The following TRPC4 variants were observed in gnomAD, a reference collection of about 807,000 sequenced individuals.
The protein encoded by TRPC4 is transient receptor potential cation channel subfamily C member 4, also known as short transient receptor potential channel 4.
Under a neutral mutation model 99.4 loss-of-function variants are expected in TRPC4, and 49 were observed. The observed-to-expected ratio is 0.49, with a 90% CI of 0.39 to 0.63. The LOEUF is 0.63. Among genes scored for constraint, TRPC4 ranks in the 20% least tolerant of loss-of-function variants. The pLI is 0.00. For synonymous variants in TRPC4, 454 were observed against 425.9 expected, an observed-to-expected ratio of 1.07 and a Z score of -0.81; for missense variants, 898 against 1,152.9, an observed-to-expected ratio of 0.78 and a Z score of 3.20.
At chr13:37,689,587 A>G (rs1462498412) in intron 4 of TRPC4, among the ~76,000 whole-genome samples, 2 of 152,198 alleles carry the variant, frequency 1.3e-5, no homozygotes, top group Non-Finnish European at 2.9e-5. Flanking sequence ...TCTTGAGACA[A>G]TGTTGCCTAT....
intron 2 of TRPC4, among the ~76,000 whole-genome samples, chr13:37,781,709 CA>C (rs1956847186): frequency 6.6e-6 from 1 of 151,982 alleles, no homozygotes; most frequent in African/African-American, 2.4e-5. Context: ...AGCAAAGCAA[CA>C]AGCAGAAAAG....
chr13:37,804,199 T>G (rs951572045), intron 1 of TRPC4, among the ~76,000 whole-genome samples: 6 of 152,098 alleles, frequency 3.9e-5, no homozygotes, highest in Admixed American at 6.6e-5. Context: ...ATTCCCTGGG[T>G]AGGTGGTATG....
intron 1 of TRPC4, among the ~76,000 whole-genome samples, chr13:37,855,289 C>T (rs1288103339): frequency 1.5e-5 from 2 of 137,118 alleles, no homozygotes; most frequent in Non-Finnish European, 1.5e-5. Flanking sequence ...CAACAGGATA[C>T]AATGTAGATA....
rs142683062 is a variant in TRPC4, at chr13:37,637,219, C to T, written c.2618G>A (p.Arg873His). The change falls in exon 11 of 11, where the codon CGT (arginine) becomes CAT (histidine). Residue 873 changes from arginine (R) to histidine (H), a missense_variant. Coordinates refer to ENST00000379705, the MANE Select transcript of TRPC4 (RefSeq NM_016179.4). ...QIFSVSEEVA[R>H]QQAAGPLERN... The stretch of plus-strand genomic sequence containing the variant: ...CTCAAGTGGTCCTGCAGCCTGTTGA[C>T]GAGCAACTTCTTCTGAAACAGAGAA... 439 of 1,613,744 alleles carry T rather than the reference C, an allele frequency of 2.7e-4. No individual in the cohort carries two copies. Among genetic ancestry groups the T allele is most frequent in the Non-Finnish European group, 3.6e-4 (420 of 1,179,870 alleles).
intron 3 of TRPC4, among the ~76,000 whole-genome samples, chr13:37,717,987 T>C (rs571172513): frequency 1.3e-5 from 2 of 152,250 alleles, no homozygotes; most frequent in Non-Finnish European, 2.9e-5. Context: ...TGCTTGTATA[T>C]AGCTAGTAGC....
chr13:37,865,415 T>A (rs753626062), intron 1 of TRPC4, among the ~76,000 whole-genome samples: 4 of 151,648 alleles, frequency 2.6e-5, no homozygotes, highest in Non-Finnish European at 5.9e-5. Flanking sequence ...TTCTAAAAAA[T>A]TATAATCTTG....
At chr13:37,824,629 G>A (rs1484548455) in intron 1 of TRPC4, among the ~76,000 whole-genome samples, 1 of 152,044 alleles carries the variant, frequency 6.6e-6, no homozygotes, top group East Asian at 1.9e-4. Flanking sequence ...AAGCCCACTT[G>A]ACCATGGTGG....
At chr13:37,793,367 T>G (rs775726554) in intron 1 of TRPC4, among the ~76,000 whole-genome samples, 15 of 152,172 alleles carry the variant, frequency 9.9e-5, no homozygotes, top group African/African-American at 2.6e-4. Context: ...ACATGTGCCA[T>G]GTTGGTGTGC....
At chr13:37,841,482 C>T (rs1958728647) in intron 1 of TRPC4, among the ~76,000 whole-genome samples, 1 of 150,098 alleles carries the variant, frequency 6.7e-6, no homozygotes, top group Non-Finnish European at 1.5e-5. Flanking sequence ...GACTTGAAAA[C>T]ATGTACAAAT....
intron 8 of TRPC4, among the ~76,000 whole-genome samples, chr13:37,650,608 T>TACACACA (rs1392003949): frequency 4.5e-5 from 2 of 44,414 alleles, no homozygotes; most frequent in African/African-American, 7.8e-5. Flanking sequence ...TCTCTCTCTC[T>TACACACA]CTATACACAC....
intron 3 of TRPC4, among the ~76,000 whole-genome samples, chr13:37,733,937 A>T (rs1211935615): frequency 2.0e-5 from 3 of 152,186 alleles, no homozygotes; most frequent in Non-Finnish European, 2.9e-5. Context: ...AAAGGATACC[A>T]ATGAGATCAA....
intron 8 of TRPC4, among the ~76,000 whole-genome samples, chr13:37,641,947 A>T (rs1951726241): frequency 6.6e-6 from 1 of 152,150 alleles, no homozygotes; most frequent in Non-Finnish European, 1.5e-5. Flanking sequence ...TAAAAATCTG[A>T]TTCTCAAAGC....
chr13:37,830,116 G>T (rs1270045316), intron 1 of TRPC4, among the ~76,000 whole-genome samples: 1 of 151,970 alleles, frequency 6.6e-6, no homozygotes, highest in Non-Finnish European at 1.5e-5. Flanking sequence ...ATTAAATTGT[G>T]TATTTTAAAA....
chr13:37,682,093 C>T lies in TRPC4; in HGVS notation c.1235-7726G>A, dbSNP rs554913919. ...CCAATTACATGTGACAAATGTGTAA[C>T]TCTGCAAATAGATCTCCTGTCATTC... On this transcript the variant is annotated intron_variant, in intron 4 of 10. Coordinates refer to ENST00000379705, the MANE Select transcript of TRPC4 (RefSeq NM_016179.4). Among the ~76,000 whole-genome samples the T allele has an allele frequency of 9.8e-4, 149 of 152,282 alleles. 2 individuals carry two copies. In the Middle Eastern group the frequency reaches 0.014, roughly 14 times the overall value.
chr13:37,736,855 A>G (rs1051733504), intron 3 of TRPC4, among the ~76,000 whole-genome samples: 5 of 151,384 alleles, frequency 3.3e-5, no homozygotes, highest in Admixed American at 2.6e-4. Flanking sequence ...CAGGCTCCCA[A>G]GTAGCTGCGA....
chr13:37,835,039 G>GTT (rs34691092), intron 1 of TRPC4, among the ~76,000 whole-genome samples: 5,379 of 147,660 alleles, frequency 0.036, 303 homozygotes, highest in African/African-American at 0.12. Flanking sequence ...GGCCCAGCCT[G>GTT]TTTTTTTTTT....
intron 4 of TRPC4, among the ~76,000 whole-genome samples, chr13:37,676,227 C>T (rs978086174): frequency 7.8e-6 from 1 of 129,028 alleles, no homozygotes; most frequent in African/African-American, 3.0e-5. Context: ...TTCAAACCGT[C>T]AAAAACAAAA....
At chr13:37,833,608 T>C (rs1241717893) in intron 1 of TRPC4, among the ~76,000 whole-genome samples, 1 of 152,190 alleles carries the variant, frequency 6.6e-6, no homozygotes. Flanking sequence ...GAACATCAGC[T>C]GCCACCTGCA....
chr13:37,811,102 T>C (rs1393358249), intron 1 of TRPC4, among the ~76,000 whole-genome samples: 3 of 152,156 alleles, frequency 2.0e-5, no homozygotes, highest in African/African-American at 7.2e-5. Context: ...CAAAGTTTTT[T>C]AGTTGCACTG....
Sources: gnomAD v4.1 joint callset for allele counts (sites outside exome capture counted in the v4.1 genomes callset) on GRCh38, gnomAD v4.1.1 for gene constraint, MANE v1.5 for transcripts, NCBI Gene and HGNC (gene_info 2026-07-23, HGNC 2026-07-21) for gene names.